FOCAD: variants seen among roughly 807,000 people sequenced by gnomAD.
FOCAD encodes focadhesin.
Under a neutral mutation model 225.6 loss-of-function variants are expected in FOCAD, and 198 were observed. That is an observed-to-expected ratio of 0.88 (90% CI 0.78 to 0.99). The LOEUF (loss-of-function observed/expected upper bound fraction) is 0.99. Ranked by LOEUF, FOCAD falls within the 50% of genes least tolerant of loss-of-function variation. FOCAD has a pLI of 0.00. For missense variants in FOCAD, 2,713 were observed against 2,123.6 expected (o/e 1.28, Z -5.46); for synonymous variants, 897 against 755.0 (o/e 1.19, Z -3.08).
chr9:20,762,536 A>G lies in FOCAD; in HGVS notation c.495-2333A>G, dbSNP rs570565608. On this transcript the variant is annotated intron_variant, in intron 6 of 43. Coordinates refer to ENST00000338382, the MANE Select transcript of FOCAD (RefSeq NM_001375567.1). ...TTTTACCAAGTGAATAAATTAATGA[A>G]TGAATAAAATTTAATTGGCTTGGTA... 2.1e-3 allele frequency among the ~76,000 whole-genome samples: 315 copies of G among 152,338 alleles called. 1 individual carries two copies. The highest frequency in any genetic ancestry group is 7.3e-3 in the African/African-American group (304 of 41,584).
At chr9:20,701,123 C>T (rs1388806325) in intron 1 of FOCAD, among the ~76,000 whole-genome samples, 1 of 152,204 alleles carries the variant, frequency 6.6e-6, no homozygotes, top group Non-Finnish European at 1.5e-5. Flanking sequence ...CTTAGCTCTC[C>T]ACTTTGTCCT....
intron 23 of FOCAD, among the ~76,000 whole-genome samples, chr9:20,914,736 G>A (rs1833735299): frequency 6.6e-6 from 1 of 152,284 alleles, no homozygotes; most frequent in African/African-American, 2.4e-5. Flanking sequence ...GACTTTGTGA[G>A]TGAGATGGAG....
Position 20,986,360 on chromosome 9 carries a change from A to G in FOCAD, c.4801A>G (p.Thr1601Ala). The part of the protein sequence containing the change: ...SQGRFPLVNL[T>A]DMLSVAVQHR... The stretch of plus-strand genomic sequence containing the variant: ...AGGACGATTCCCCTTGGTGAACCTG[A>G]CCGATATGCTGAGCGTTGCTGTGCA... The change falls in exon 40 of 44, where the codon ACC becomes GCC. Residue 1601 changes from threonine to alanine, a missense_variant. Thr to Ala is a moderately conservative substitution (Grantham distance 58). Transcript: ENST00000338382. The G allele has an allele frequency of 6.2e-7, 1 of 1,601,476 alleles. No homozygotes were observed.
intron 15 of FOCAD, among the ~76,000 whole-genome samples, chr9:20,832,719 G>T (rs747987078): frequency 9.2e-5 from 14 of 151,786 alleles, no homozygotes; most frequent in Non-Finnish European, 2.1e-4. Context: ...CCATCTTTCT[G>T]TGTCTGGCTT....
At chr9:20,723,463 C>T (rs1438186540) in intron 4 of FOCAD, among the ~76,000 whole-genome samples, 4 of 152,204 alleles carry the variant, frequency 2.6e-5, no homozygotes, top group African/African-American at 9.6e-5. Flanking sequence ...CACTGCACTC[C>T]AGCCTGGGTG....
At chr9:20,719,778 CTTTTTT>C in intron 3 of FOCAD, among the ~76,000 whole-genome samples, 1 of 62,130 alleles carries the variant, frequency 1.6e-5, no homozygotes, top group African/African-American at 6.7e-5. Flanking sequence ...TTTTCCTAGG[CTTTTTT>C]TTTTTTTTTT....
chr9:20,845,905 G>T (rs1187782639), intron 15 of FOCAD, among the ~76,000 whole-genome samples: 2 of 152,112 alleles, frequency 1.3e-5, no homozygotes, highest in Non-Finnish European at 2.9e-5. Flanking sequence ...TGATTTGGTT[G>T]CAGTTATCTG....
chr9:20,870,805 T>C (rs1236656280), intron 18 of FOCAD, among the ~76,000 whole-genome samples: 3 of 152,246 alleles, frequency 2.0e-5, no homozygotes, highest in Admixed American at 6.5e-5. Context: ...GTGTGTTAAA[T>C]GTATTTTTGT....
intron 35 of FOCAD, among the ~76,000 whole-genome samples, chr9:20,967,141 T>C (rs1839335261): frequency 6.6e-6 from 1 of 152,102 alleles, no homozygotes; most frequent in Admixed American, 6.6e-5. Context: ...ATATTCAGTA[T>C]TCGAATCTGT....
intron 8 of FOCAD, among the ~76,000 whole-genome samples, chr9:20,773,764 C>T (rs1030953234): frequency 1.3e-5 from 2 of 152,096 alleles, no homozygotes; most frequent in African/African-American, 4.8e-5. Context: ...CGTTTCCTCC[C>T]CCACTTTTCT....
intron 26 of FOCAD, 75 bp downstream of exon 26, chr9:20,926,492 C>G: frequency 1.0e-6 from 1 of 977,752 alleles, no homozygotes. Context: ...CACATGAAAT[C>G]GATTATATAG....
intron 35 of FOCAD, among the ~76,000 whole-genome samples, chr9:20,965,463 G>A (rs1004305044): frequency 5.9e-5 from 9 of 152,092 alleles, no homozygotes; most frequent in African/African-American, 1.4e-4. Flanking sequence ...CATGGTATCA[G>A]TTTCTCTTGT....
chr9:20,718,737 A>G (rs770831910), intron 3 of FOCAD, among the ~76,000 whole-genome samples: 7 of 152,202 alleles, frequency 4.6e-5, no homozygotes, highest in Non-Finnish European at 8.8e-5. Flanking sequence ...GAGAAGATCT[A>G]GTGATTTTAC....
chr9:20,929,763 C>G (rs1043576603), intron 27 of FOCAD, among the ~76,000 whole-genome samples, 167 bp downstream of exon 27: 3 of 152,088 alleles, frequency 2.0e-5, no homozygotes, highest in Non-Finnish European at 4.4e-5. Flanking sequence ...GTAAATTTAT[C>G]TATCTAAAAT....
At chr9:20,721,712 A>C (rs1825779300) in intron 4 of FOCAD, among the ~76,000 whole-genome samples, 1 of 152,034 alleles carries the variant, frequency 6.6e-6, no homozygotes, top group African/African-American at 2.4e-5. Context: ...AACAACAACA[A>C]CAAAAATTTG....
intron 4 of FOCAD, among the ~76,000 whole-genome samples, chr9:20,735,195 G>A (rs1378764370): frequency 2.0e-5 from 3 of 151,836 alleles, no homozygotes; most frequent in Non-Finnish European, 4.4e-5. Context: ...TGTTTTGTGG[G>A]CATGTATGCT....
Position 20,793,291 on chromosome 9 carries a change from C to T in FOCAD, c.1455+3683C>T, listed in dbSNP as rs148602762. On this transcript the variant is annotated intron_variant, in intron 11 of 43. Coordinates refer to ENST00000338382, the MANE Select transcript of FOCAD (RefSeq NM_001375567.1). Reference sequence around the variant, plus strand: ...TAAGGTCAAGTTGCATGTACCCTCTCCCGTGGCAATATGTTTATTTCTCCT... The same window carrying T: ...TAAGGTCAAGTTGCATGTACCCTCTTCCGTGGCAATATGTTTATTTCTCCT... Among the ~76,000 whole-genome samples the T allele has an allele frequency of 3.7e-3, 567 of 152,264 alleles. 4 individuals carry two copies. The highest frequency in any genetic ancestry group is 0.013 in the African/African-American group (543 of 41,558).
intron 21 of FOCAD, among the ~76,000 whole-genome samples, chr9:20,906,281 A>G (rs1209828691): frequency 2.0e-5 from 3 of 151,918 alleles, no homozygotes; most frequent in Non-Finnish European, 2.9e-5. Flanking sequence ...ACTAGTTATC[A>G]TGATTCTGGT....
chr9:20,738,554 C>G (rs748101015), intron 4 of FOCAD, among the ~76,000 whole-genome samples: 2 of 152,178 alleles, frequency 1.3e-5, no homozygotes, highest in Non-Finnish European at 2.9e-5. Context: ...AGAAACTATA[C>G]ACATGTGACA....
Sources: allele counts gnomAD v4.1 joint callset (sites outside exome capture counted in the v4.1 genomes callset), GRCh38; gene constraint gnomAD v4.1.1; transcripts MANE v1.5; gene names NCBI Gene and HGNC (gene_info 2026-07-23, HGNC 2026-07-21).